Variants in SOD2 observed in about 807,000 individuals in gnomAD.
The protein encoded by SOD2 is superoxide dismutase 2, also known as superoxide dismutase [Mn], mitochondrial.
A neutral mutation model predicts 27.0 loss-of-function variants in SOD2; 11 were observed. The ratio of observed to expected loss-of-function variants is 0.41; its 90% CI spans 0.26 to 0.67. The LOEUF is 0.67. Ranked by LOEUF, SOD2 falls within the 30% of genes least tolerant of loss-of-function variation. SOD2 has a pLI of 0.34. For missense variants in SOD2, 250 were observed against 274.5 expected (o/e 0.91, Z 0.63); for synonymous variants, 105 against 103.0 (o/e 1.02, Z -0.12).
At chr6:159,753,931 G>A (rs962995652) in intron 1 of SOD2, among the ~76,000 whole-genome samples, 1 of 152,204 alleles carries the variant, frequency 6.6e-6, no homozygotes, top group African/African-American at 2.4e-5. Flanking sequence ...TTCATTGTTT[G>A]AAAGGGAGAA....
exon 1 of SOD2, chr6:159,761,571 G>A (rs1212326000): frequency 2.2e-6 from 1 of 456,172 alleles, no homozygotes; most frequent in African/African-American, 2.0e-5. Flanking sequence ...CATCAGAGCT[G>A]TGCTGAGACC....
chr6:159,749,141 G>A (rs1779730410), upstream of SOD2: 1 of 986,020 alleles, frequency 1.0e-6, no homozygotes, highest in Non-Finnish European at 1.2e-6. Flanking sequence ...TAATCTTACT[G>A]AGGACTGTAC....
At chr6:159,752,351 C>T (rs1174476359) in intron 1 of SOD2, among the ~76,000 whole-genome samples, 1 of 151,522 alleles carries the variant, frequency 6.6e-6, no homozygotes. Context: ...GTGATCATTT[C>T]TTTTTTTTTC....
At chr6:159,726,613 C>A in intron 1 of SOD2, 1 of 403,470 alleles carries the variant, frequency 2.5e-6, no homozygotes, top group Non-Finnish European at 4.5e-6. Context: ...AGGGAGTCTA[C>A]TCCACTTGCA....
At chr6:159,761,545 C>T (rs1283399444) in exon 1 of SOD2, 4 of 456,354 alleles carry the variant, frequency 8.8e-6, no homozygotes, top group Non-Finnish European at 1.8e-5. Context: ...CCGAAGCCGC[C>T]GAGAGCAAAA....
At chr6:159,762,273 G>A in exon 1 of SOD2, 3 of 1,301,698 alleles carry the variant, frequency 2.3e-6, no homozygotes, top group Non-Finnish European at 2.1e-6. Flanking sequence ...GAGGAGCCGC[G>A]GGATCCCTGG....
At chr6:159,743,567 C>G (rs1779388658) in intron 1 of SOD2, 2 of 1,177,136 alleles carry the variant, frequency 1.7e-6, no homozygotes, top group Non-Finnish European at 2.3e-6. Flanking sequence ...AAACTAAAGA[C>G]TTGATTAATT....
At chr6:159,691,183 T>C (rs946666500) in intron 2 of SOD2, 1 of 152,212 alleles carries the variant, frequency 6.6e-6, no homozygotes, top group Non-Finnish European at 1.5e-5. Flanking sequence ...GTTTTTAAAA[T>C]ACTGAAGAGA....
intron 1 of SOD2, among the ~76,000 whole-genome samples, chr6:159,702,850 G>GAAAAAAA (rs35570449): frequency 3.3e-5 from 1 of 30,674 alleles, no homozygotes; most frequent in Non-Finnish European, 5.9e-5. Context: ...ACCCTATCTC[G>GAAAAAAA]AAAAAAAAAA....
intron 1 of SOD2, chr6:159,742,025 C>G (rs1779285628): frequency 8.5e-7 from 1 of 1,174,948 alleles, no homozygotes; most frequent in African/African-American, 1.6e-5. Context: ...TTATAGATAT[C>G]TTCTAGTTTA....
chr6:159,716,368 A>C (rs1777921372), intron 1 of SOD2, among the ~76,000 whole-genome samples: 1 of 152,144 alleles, frequency 6.6e-6, no homozygotes. Flanking sequence ...TCATTTTCCA[A>C]CTTGTTGCCT....
At chr6:159,683,417 G>A (rs1270650826) in intron 4 of SOD2, among the ~76,000 whole-genome samples, 1 of 152,110 alleles carries the variant, frequency 6.6e-6, no homozygotes, top group Non-Finnish European at 1.5e-5. Flanking sequence ...CCTGGGAGGC[G>A]GAAGTTGTAG....
chr6:159,693,045 G>A (rs1777308092), intron 1 of SOD2, 100 bp downstream of exon 1: 1 of 1,484,936 alleles, frequency 6.7e-7, no homozygotes, highest in Non-Finnish European at 9.0e-7. Context: ...CCCCGGTCCC[G>A]CCAGGCCCGG....
chr6:159,713,893 A>T, intron 1 of SOD2: 2 of 960,696 alleles, frequency 2.1e-6, no homozygotes, highest in Non-Finnish European at 3.3e-6. Flanking sequence ...GTATTTTGCA[A>T]TCAGAGAAGT....
chr6:159,713,870 G>A (rs1777876472), intron 1 of SOD2: 2 of 1,039,572 alleles, frequency 1.9e-6, no homozygotes, highest in Admixed American at 2.0e-5. Context: ...ACAAATACCT[G>A]ATGTGCCATT....
chr6:159,725,061 A>G (rs1048445593), intron 1 of SOD2, among the ~76,000 whole-genome samples: 3 of 152,232 alleles, frequency 2.0e-5, no homozygotes, highest in African/African-American at 7.2e-5. Context: ...CCCTATGCTC[A>G]GCTCCGGGAC....
intron 1 of SOD2, among the ~76,000 whole-genome samples, chr6:159,720,203 T>C (rs1467552860): frequency 6.6e-6 from 1 of 151,608 alleles, no homozygotes; most frequent in African/African-American, 2.4e-5. Flanking sequence ...GCTAATTTTT[T>C]TGTGTATATA....
At chr6:159,706,357 T>A (rs1025413767) in intron 1 of SOD2, among the ~76,000 whole-genome samples, 1 of 152,212 alleles carries the variant, frequency 6.6e-6, no homozygotes. Flanking sequence ...ATCAGTCTGC[T>A]GTATTCAGGA....
intron 1 of SOD2, among the ~76,000 whole-genome samples, chr6:159,708,048 G>A (rs1238066895): frequency 6.6e-6 from 1 of 152,140 alleles, no homozygotes; most frequent in African/African-American, 2.4e-5. Flanking sequence ...TGCAGAAAAG[G>A]CCTTGGACAA....
Sources: allele counts gnomAD v4.1 joint callset (sites outside exome capture counted in the v4.1 genomes callset), GRCh38; gene constraint gnomAD v4.1.1; transcripts MANE v1.5; gene names NCBI Gene and HGNC (gene_info 2026-07-23, HGNC 2026-07-21).